The following TMEM168 variants were observed in gnomAD, a reference collection of about 807,000 sequenced individuals.
The protein encoded by TMEM168 is transmembrane protein 168.
A neutral mutation model predicts 53.2 loss-of-function variants in TMEM168; 40 were observed. The ratio of observed to expected loss-of-function variants is 0.75; its 90% CI spans 0.58 to 0.98. The LOEUF is 0.98. TMEM168 is among the 50% of genes least tolerant of loss of function. TMEM168 has a pLI of 0.00. For synonymous variants in TMEM168, 282 were observed against 293.0 expected (o/e 0.96, Z 0.38); for missense variants, 771 against 828.8 (o/e 0.93, Z 0.86).
chr7:112,771,647 C>T (rs1792932440), intron 4 of TMEM168, among the ~76,000 whole-genome samples: 1 of 152,070 alleles, frequency 6.6e-6, no homozygotes, highest in Non-Finnish European at 1.5e-5. Flanking sequence ...ACAAATCTGG[C>T]ATGAAATCAA....
intron 2 of TMEM168, among the ~76,000 whole-genome samples, chr7:112,776,265 T>C (rs1293255872): frequency 1.3e-5 from 2 of 151,744 alleles, no homozygotes; most frequent in East Asian, 1.9e-4. Context: ...CATATAAGCA[T>C]TGTAAAAGCA....
At chr7:112,770,549 C>T (rs1265043635) in intron 4 of TMEM168, among the ~76,000 whole-genome samples, 1 of 152,046 alleles carries the variant, frequency 6.6e-6, no homozygotes, top group Admixed American at 6.6e-5. Context: ...TTCTTAAAGT[C>T]TTCAAAAATT....
chr7:112,773,175 A>T (rs1025635958), intron 3 of TMEM168, 120 bp from the exon 4 acceptor site: 5 of 1,068,302 alleles, frequency 4.7e-6, no homozygotes, highest in Non-Finnish European at 2.6e-6. Flanking sequence ...GGATTTTTGT[A>T]AAAAATCACC....
intron 4 of TMEM168, 32 bp downstream of exon 4, chr7:112,772,749 T>C: frequency 6.3e-7 from 1 of 1,599,414 alleles, no homozygotes; most frequent in Non-Finnish European, 8.5e-7. Context: ...TGTGTATCTT[T>C]ACAATAGTGA....
rs1792726825 is a variant in TMEM168 at position 112,764,531 on chromosome 7, T to G, written c.*2666A>C. The G allele has an allele frequency of 6.6e-6, 1 of 151,054 alleles. No homozygotes were observed. Among genetic ancestry groups the G allele is most frequent in the African/African-American group, 2.5e-5 (1 of 40,668 alleles). 9.4% of individuals were successfully genotyped at this position (151,054 alleles called of 1,614,324 possible). ...TTCTTTTTTTTTTTGAGATGGAGTC[T>G]CTCTCTGTTGCCAGGCTGGAGTGCA... On this transcript the variant is annotated 3_prime_UTR_variant, in exon 5 of 5. Transcript: ENST00000312814.
chr7:112,784,105 T>C lies in TMEM168; in HGVS notation c.721A>G (p.Ile241Val), dbSNP rs138989344. ...ICLITDPFLD[I>V]YFSGLSVTER... Reference sequence around the variant, plus strand: ...GTTACTGAAAGTCCACTAAAATAAATGTCAAGGAAAGGATCAGTTATCAGG... The same window carrying C: ...GTTACTGAAAGTCCACTAAAATAAACGTCAAGGAAAGGATCAGTTATCAGG... Residue 241 changes from isoleucine (I) to valine (V), a missense_variant, in exon 2 of 5, where the codon ATT becomes GTT. Coordinates refer to ENST00000312814, the MANE Select transcript of TMEM168 (RefSeq NM_022484.6). The C allele has an allele frequency of 6.2e-7, 1 of 1,613,154 alleles. No individual in the cohort carries two copies. Among genetic ancestry groups the C allele is most frequent in the African/African-American group, 1.3e-5 (1 of 74,784 alleles).
In TMEM168 at chr7:112,766,236, T is replaced by C. The variant is rs1792774788; in HGVS notation, c.*961A>G. 6.6e-6 allele frequency: 1 copy of C among 152,386 alleles called. No individual in the cohort carries two copies. The highest frequency in any genetic ancestry group is 2.4e-5 in the African/African-American group (1 of 41,458). 9.4% of individuals were successfully genotyped at this position (152,386 alleles called of 1,614,324 possible). ...GTATACCAGAAGAGAAATACTTGTTTCCTATCCTCTGACCTTCAGTAGAAA... is the reference window on the plus strand; with the variant it reads ...GTATACCAGAAGAGAAATACTTGTTCCCTATCCTCTGACCTTCAGTAGAAA... On this transcript the variant is annotated 3_prime_UTR_variant, in exon 5 of 5. Transcript: ENST00000312814.
At chr7:112,775,078 G>T in intron 3 of TMEM168, 98 bp downstream of exon 3, 1 of 1,035,160 alleles carries the variant, frequency 9.7e-7, no homozygotes, top group Non-Finnish European at 1.3e-6. Context: ...GTTATATTTT[G>T]AAAACAGTTT....
intron 2 of TMEM168, among the ~76,000 whole-genome samples, chr7:112,780,943 C>CAAAAAAAA (rs1222902089): frequency 1.7e-5 from 1 of 60,018 alleles, no homozygotes; most frequent in East Asian, 6.5e-4. Context: ...TGATCCGTAT[C>CAAAAAAAA]AAAAAAAAAA....
chr7:112,783,402 T>C (rs1280350896), intron 2 of TMEM168, among the ~76,000 whole-genome samples: 1 of 152,212 alleles, frequency 6.6e-6, no homozygotes, highest in Non-Finnish European at 1.5e-5. Context: ...TTAAATACTT[T>C]CCAAATGTTA....
chr7:112,780,943 CAAA>C (rs1222902089), intron 2 of TMEM168, among the ~76,000 whole-genome samples: 4 of 60,010 alleles, frequency 6.7e-5, no homozygotes, highest in African/African-American at 1.6e-4. Context: ...TGATCCGTAT[CAAA>C]AAAAAAAAAA....
rs544802535 is a variant in TMEM168, at chr7:112,784,840, G to A, written c.-15C>T. 1 of 1,531,152 alleles carries A rather than the reference G, an allele frequency of 6.5e-7. No homozygotes were observed. The highest frequency in any genetic ancestry group is 2.3e-5 in the East Asian group (1 of 43,734). The allele number at this position is 1,531,152 out of a possible 1,614,324, so 94.8% of individuals were successfully genotyped here. On this transcript the variant is annotated 5_prime_UTR_variant, in exon 2 of 5. Transcript: ENST00000312814. ...GATTTACACATGTAACCAGCAATGT[G>A]GGCTTTTCCCTCACGTTACAAAAAT...
chr7:112,786,777 C>A (rs1186615917), intron 1 of TMEM168, among the ~76,000 whole-genome samples: 1 of 152,134 alleles, frequency 6.6e-6, no homozygotes, highest in East Asian at 1.9e-4. Context: ...ATGGAACATC[C>A]TTCCCTGGTC....
intron 2 of TMEM168, 118 bp downstream of exon 2, chr7:112,783,580 G>A (rs1028380512): frequency 3.5e-5 from 37 of 1,055,484 alleles, no homozygotes; most frequent in Non-Finnish European, 4.3e-5. Context: ...ACAAAATTAA[G>A]AGCAAACATG....
chr7:112,776,413 A>G (rs2116260686), intron 2 of TMEM168, among the ~76,000 whole-genome samples: 1 of 152,220 alleles, frequency 6.6e-6, no homozygotes, highest in South Asian at 2.1e-4. Context: ...AGAATATTAA[A>G]CTATTACATT....
Position 112,784,852 on chromosome 7 carries a change from C to A in TMEM168, c.-27G>T. 6.6e-7 allele frequency: 1 copy of A among 1,514,330 alleles called. No individual in the cohort carries two copies. The highest frequency in any genetic ancestry group is 2.3e-5 in the Admixed American group (1 of 43,720). 93.8% of individuals were successfully genotyped at this position (1,514,330 alleles called of 1,614,324 possible). On this transcript the variant is annotated 5_prime_UTR_variant, in exon 2 of 5. The change abolishes the stop of an existing upstream ORF in the 5' untranslated region. Coordinates refer to ENST00000312814, the MANE Select transcript of TMEM168 (RefSeq NM_022484.6). ...TAACCAGCAATGTGGGCTTTTCCCTCACGTTACAAAAATTAACCGCTTGTA... is the reference window on the plus strand; with the variant it reads ...TAACCAGCAATGTGGGCTTTTCCCTAACGTTACAAAAATTAACCGCTTGTA...
In TMEM168 at chr7:112,772,799, C is replaced by A; in HGVS notation, c.1528G>T (p.Gly510Ter). The A allele has an allele frequency of 6.2e-7, 1 of 1,613,968 alleles. No individual in the cohort carries two copies. Among genetic ancestry groups the A allele is most frequent in the Non-Finnish European group, 8.5e-7 (1 of 1,179,904 alleles). ...LYYSGHTHGT[G>*]EWALAGGDTL... ...AGTTTACCTGCTAGAGCCCACTCTC[C>A]TGTACCATGGGTGTGCCCACTGTAA... Residue 510 changes from glycine (G) to a stop codon, truncating the protein, a stop_gained, in exon 4 of 5, where the codon GGA (glycine) becomes TGA (stop). Coordinates refer to ENST00000312814, the MANE Select transcript of TMEM168 (RefSeq NM_022484.6). LOFTEE classifies it high-confidence loss of function.
At chr7:112,774,980 TATC>T (rs1032990081) in intron 3 of TMEM168, among the ~76,000 whole-genome samples, 193 bp downstream of exon 3, 3 of 152,192 alleles carry the variant, frequency 2.0e-5, no homozygotes, top group Non-Finnish European at 4.4e-5. Flanking sequence ...AATATAAGCT[TATC>T]ATATTTATCA....
chr7:112,773,577 A>G (rs1224975036), intron 3 of TMEM168, among the ~76,000 whole-genome samples: 2 of 152,118 alleles, frequency 1.3e-5, no homozygotes, highest in Non-Finnish European at 2.9e-5. Flanking sequence ...ATTAATAGGC[A>G]TTTAAAAAGT....
Sources: gnomAD v4.1 joint callset for allele counts (sites outside exome capture counted in the v4.1 genomes callset) on GRCh38, gnomAD v4.1.1 for gene constraint, MANE v1.5 for transcripts, NCBI Gene and HGNC (gene_info 2026-07-23, HGNC 2026-07-21) for gene names.